ANK3: variants seen among roughly 807,000 people sequenced by gnomAD.
The protein encoded by ANK3 is ankyrin-3.
A neutral mutation model predicts 370.9 loss-of-function variants in ANK3; 57 were observed. That is an observed-to-expected ratio of 0.15 (90% CI 0.12 to 0.19). The LOEUF is 0.19. Among genes scored for constraint, ANK3 ranks in the 10% least tolerant of loss-of-function variants. The pLI is 1.00. For missense variants in ANK3, 4,439 were observed against 5,302.1 expected (o/e 0.84, Z 5.06); for synonymous variants, 1,929 against 1,946.3 (o/e 0.99, Z 0.23).
intron 35 of ANK3, among the ~76,000 whole-genome samples, chr10:60,081,040 T>A (rs2085080710): frequency 6.6e-6 from 1 of 150,432 alleles, no homozygotes; most frequent in East Asian, 2.0e-4. Flanking sequence ...GATGAGGAGA[T>A]TGAAAACAGA....
chr10:60,450,307 A>G (rs2064564445), intron 2 of ANK3, among the ~76,000 whole-genome samples: 1 of 152,142 alleles, frequency 6.6e-6, no homozygotes, highest in Admixed American at 6.5e-5. Context: ...TAAGAAAAAT[A>G]TATAGAGAGA....
chr10:60,652,111 C>T (rs377513162), intron 1 of ANK3, among the ~76,000 whole-genome samples: 2 of 152,110 alleles, frequency 1.3e-5, no homozygotes, highest in Non-Finnish European at 2.9e-5. Flanking sequence ...AATCCTAGCA[C>T]TTTGGGAGGC....
chr10:60,466,502 C>T (rs1163643248), intron 2 of ANK3, among the ~76,000 whole-genome samples: 2 of 152,120 alleles, frequency 1.3e-5, no homozygotes, highest in African/African-American at 2.4e-5. Context: ...CTTTGGAAAA[C>T]AGTCTGGAAG....
chr10:60,203,075 G>A lies in ANK3; in HGVS notation c.1319C>T (p.Ala440Val). 6.2e-7 allele frequency: 1 copy of A among 1,613,736 alleles called. No individual in the cohort carries two copies. Among genetic ancestry groups the A allele is most frequent in the Non-Finnish European group, 8.5e-7 (1 of 1,179,766 alleles). Residue 440 changes from alanine to valine, a missense_variant, in exon 12 of 44, where the codon GCT (alanine) becomes GTT (valine). By Grantham distance (64) the Ala-to-Val change is moderately conservative. Around this residue, in one of 13 missense-constraint regions of ANK3, gnomAD observed 227 missense variants for 377.6 expected, o/e 0.60. Transcript: ENST00000280772. ...TESGLTPIHVAAFMGHVNIVS... is the reference protein window; with the variant it reads ...TESGLTPIHVVAFMGHVNIVS... ...AATATTTACATGCCCCATGAAGGCA[G>A]CAACATGGATTGGGGTAAGGCCCGA...
At chr10:60,605,412 C>T (rs2078115468) in intron 2 of ANK3, among the ~76,000 whole-genome samples, 1 of 151,720 alleles carries the variant, frequency 6.6e-6, no homozygotes, top group African/African-American at 2.4e-5. Flanking sequence ...GGCAACATGA[C>T]AAAATCCCAT....
At chr10:60,581,138 A>C (rs1257347035) in intron 2 of ANK3, among the ~76,000 whole-genome samples, 1 of 152,214 alleles carries the variant, frequency 6.6e-6, no homozygotes, top group Non-Finnish European at 1.5e-5. Flanking sequence ...ACAAATTGAC[A>C]AGCAACAGAG....
chr10:60,677,144 G>A (rs911928702), intron 1 of ANK3, among the ~76,000 whole-genome samples: 2 of 152,114 alleles, frequency 1.3e-5, no homozygotes, highest in African/African-American at 4.8e-5. Flanking sequence ...CCCTTAAGTG[G>A]AATAGTACAG....
chr10:60,481,270 AT>A (rs2075208398), intron 2 of ANK3, among the ~76,000 whole-genome samples: 1 of 152,110 alleles, frequency 6.6e-6, no homozygotes, highest in Admixed American at 6.5e-5. Context: ...CATGATGAAG[AT>A]TTTTGGAAAT....
chr10:60,732,907 G>GTCTC (rs2080045043), intron 1 of ANK3, among the ~76,000 whole-genome samples: 2 of 151,920 alleles, frequency 1.3e-5, no homozygotes, highest in African/African-American at 2.4e-5. Context: ...CAAGACGAGA[G>GTCTC]ACCGAGGTGA....
intron 2 of ANK3, among the ~76,000 whole-genome samples, chr10:60,517,706 A>T (rs1172993705): frequency 6.6e-6 from 1 of 152,142 alleles, no homozygotes; most frequent in African/African-American, 2.4e-5. Flanking sequence ...AGTACTTTGT[A>T]AACTGTAAAA....
At chr10:60,478,959 T>C (rs1179397166) in intron 2 of ANK3, among the ~76,000 whole-genome samples, 1 of 152,080 alleles carries the variant, frequency 6.6e-6, no homozygotes, top group Non-Finnish European at 1.5e-5. Flanking sequence ...GTTATTTTTA[T>C]TGTCATTATT....
At chr10:60,547,557 G>A (rs954227939) in intron 2 of ANK3, among the ~76,000 whole-genome samples, 1 of 151,734 alleles carries the variant, frequency 6.6e-6, no homozygotes, top group South Asian at 2.1e-4. Context: ...GCGCCACCAC[G>A]CCCTGCTAAT....
chr10:60,073,272 C>T lies in ANK3; in HGVS notation c.7609G>A (p.Asp2537Asn). Residue 2537 changes from aspartate to asparagine, a missense_variant, in exon 37 of 44, where the codon GAT (aspartate) becomes AAT (asparagine). Coordinates refer to ENST00000280772, the MANE Select transcript of ANK3 (RefSeq NM_020987.5). The part of the protein sequence containing the change: ...VGKVSKDEHF[D>N]KVTVLHYSGN... The stretch of plus-strand genomic sequence containing the variant: ...GAATAGTGCAACACTGTCACTTTAT[C>T]AAAATGCTCATCTTTAGACACTTTA... 1 of 1,614,056 alleles carries T rather than the reference C, an allele frequency of 6.2e-7. No homozygotes were observed. Among genetic ancestry groups the T allele is most frequent in the Non-Finnish European group, 8.5e-7 (1 of 1,179,994 alleles).
At chr10:60,218,395 G>A (rs1247457995) in intron 8 of ANK3, among the ~76,000 whole-genome samples, 1 of 151,960 alleles carries the variant, frequency 6.6e-6, no homozygotes, top group Non-Finnish European at 1.5e-5. Flanking sequence ...TTTATATTTT[G>A]TCATGTCTTT....
intron 1 of ANK3, among the ~76,000 whole-genome samples, chr10:60,659,149 T>G (rs2078905018): frequency 1.3e-5 from 2 of 152,208 alleles, no homozygotes; most frequent in Admixed American, 6.5e-5. Flanking sequence ...AATATCTTTG[T>G]GATCTTGAGT....
chr10:60,321,116 C>A (rs1387212976), intron 1 of ANK3, among the ~76,000 whole-genome samples: 1 of 152,074 alleles, frequency 6.6e-6, no homozygotes, highest in East Asian at 1.9e-4. Context: ...GTTGGCTGGG[C>A]ATGGTGGCTC....
intron 2 of ANK3, among the ~76,000 whole-genome samples, chr10:60,530,070 C>T (rs1485845972): frequency 6.6e-6 from 1 of 152,194 alleles, no homozygotes; most frequent in Non-Finnish European, 1.5e-5. Context: ...CCCCTTGCAG[C>T]CAGCTGGCCT....
At chr10:60,136,682 C>T (rs1480227004) in intron 24 of ANK3, among the ~76,000 whole-genome samples, 1 of 152,186 alleles carries the variant, frequency 6.6e-6, no homozygotes, top group Non-Finnish European at 1.5e-5. Flanking sequence ...TGGGAGCTAT[C>T]AACCGAAAGG....
chr10:60,368,230 TACACAC>T (rs3045441), intron 1 of ANK3, among the ~76,000 whole-genome samples: 11 of 149,532 alleles, frequency 7.4e-5, no homozygotes, highest in African/African-American at 2.7e-4. Context: ...CTAGTGCATG[TACACAC>T]ACACACACAC....
Sources: allele counts gnomAD v4.1 joint callset (sites outside exome capture counted in the v4.1 genomes callset), GRCh38; gene constraint gnomAD v4.1.1; regional missense constraint gnomAD v4.1.1; transcripts MANE v1.5; gene names NCBI Gene and HGNC (gene_info 2026-07-23, HGNC 2026-07-21).